Variants in ASIC2 observed in about 807,000 individuals in gnomAD.
ASIC2 encodes the protein acid-sensing ion channel 2.
ASIC2 carries 25 observed loss-of-function variants against 57.3 expected under a neutral mutation model. The observed-to-expected ratio is 0.44, with a 90% confidence interval of 0.32 to 0.61. ASIC2 has a LOEUF of 0.61. ASIC2 is among the 20% of genes least tolerant of loss of function. ASIC2 has a pLI of 0.06. For synonymous variants in ASIC2, 319 were observed against 307.5 expected (o/e 1.04, Z -0.39); for missense variants, 641 against 738.1 (o/e 0.87, Z 1.52).
chr17:34,065,711 A>G (rs371434860), intron 1 of ASIC2, among the ~76,000 whole-genome samples: 1 of 152,272 alleles, frequency 6.6e-6, no homozygotes, highest in African/African-American at 2.4e-5. Flanking sequence ...TGATCATTGC[A>G]TTCTGAGGAA....
At chr17:33,419,654 G>A (rs1910977865) in intron 1 of ASIC2, among the ~76,000 whole-genome samples, 1 of 152,204 alleles carries the variant, frequency 6.6e-6, no homozygotes, top group South Asian at 2.1e-4. Context: ...GTTTTTCACA[G>A]ATATACTGGT....
intron 1 of ASIC2, among the ~76,000 whole-genome samples, chr17:33,707,029 C>G (rs545010482): frequency 6.6e-6 from 1 of 152,332 alleles, no homozygotes; most frequent in Admixed American, 6.5e-5. Context: ...TTTATCTTGA[C>G]TATGCATAGA....
At chr17:33,307,197 T>C (rs1906213867) in intron 1 of ASIC2, among the ~76,000 whole-genome samples, 1 of 152,150 alleles carries the variant, frequency 6.6e-6, no homozygotes, top group Non-Finnish European at 1.5e-5. Context: ...GAGGCCTGGA[T>C]AGTGTTCTCC....
chr17:33,303,844 CA>C (rs1311730693), intron 1 of ASIC2, among the ~76,000 whole-genome samples: 3 of 152,140 alleles, frequency 2.0e-5, no homozygotes, highest in Non-Finnish European at 2.9e-5. Context: ...GGCACTAAGA[CA>C]CAACATTAGA....
intron 1 of ASIC2, among the ~76,000 whole-genome samples, chr17:33,698,635 A>G (rs1908602913): frequency 1.3e-5 from 2 of 152,164 alleles, no homozygotes; most frequent in South Asian, 4.1e-4. Context: ...TGGGGTGAAT[A>G]AGTACTTGCC....
At chr17:33,482,644 A>G (rs1264996184) in intron 1 of ASIC2, among the ~76,000 whole-genome samples, 1 of 152,132 alleles carries the variant, frequency 6.6e-6, no homozygotes, top group Non-Finnish European at 1.5e-5. Context: ...GATTTCAGTG[A>G]CTTGTCCAAG....
chr17:34,086,466 G>T (rs1375757534), intron 1 of ASIC2, among the ~76,000 whole-genome samples: 1 of 151,946 alleles, frequency 6.6e-6, no homozygotes, highest in Admixed American at 6.5e-5. Context: ...CAACTATGTG[G>T]TCAATTTTGG....
At chr17:33,060,308 G>A (rs946084844) in intron 3 of ASIC2, among the ~76,000 whole-genome samples, 15 of 152,290 alleles carry the variant, frequency 9.8e-5, no homozygotes, top group African/African-American at 2.9e-4. Flanking sequence ...TAACATTTAA[G>A]TCTTTAATCC....
rs189118680 is a variant in ASIC2, at chr17:33,493,960, G to T, written c.556-381893C>A. 9.2e-5 allele frequency among the ~76,000 whole-genome samples: 14 copies of T among 152,328 alleles called. No individual in the cohort carries two copies. The East Asian group carries it at 2.3e-3, about 25-fold the overall frequency. ...CCTCTGTAGAAGTTATTATAGTTAA[G>T]ATACTCCTCTCAAAGGTGGGAGACT... On this transcript the variant is annotated intron_variant, in intron 1 of 9. Transcript: ENST00000359872.
intron 1 of ASIC2, among the ~76,000 whole-genome samples, chr17:33,137,905 A>T (rs867281119): frequency 1.3e-5 from 2 of 152,336 alleles, no homozygotes; most frequent in South Asian, 4.1e-4. Context: ...AGCCTAAAAG[A>T]CAGGCTGTGT....
At chr17:33,753,612 T>C (rs568378680) in intron 1 of ASIC2, among the ~76,000 whole-genome samples, 1 of 152,300 alleles carries the variant, frequency 6.6e-6, no homozygotes, top group African/African-American at 2.4e-5. Flanking sequence ...TGGAGGAAGA[T>C]TCATACACAC....
At chr17:33,313,713 C>G (rs866165354) in intron 1 of ASIC2, among the ~76,000 whole-genome samples, 1 of 152,116 alleles carries the variant, frequency 6.6e-6, no homozygotes, top group Non-Finnish European at 1.5e-5. Context: ...AATCTCTGCT[C>G]TCATATTTTC....
intron 1 of ASIC2, among the ~76,000 whole-genome samples, chr17:33,385,046 A>AAT (rs1194891309): frequency 6.6e-6 from 1 of 152,228 alleles, no homozygotes; most frequent in Non-Finnish European, 1.5e-5. Context: ...GCAAGACATT[A>AAT]ACCTCTCTGG....
intron 1 of ASIC2, among the ~76,000 whole-genome samples, chr17:34,026,953 G>A (rs1427892888): frequency 6.6e-6 from 1 of 152,188 alleles, no homozygotes; most frequent in African/African-American, 2.4e-5. Flanking sequence ...AATCAAAGCA[G>A]TAGATAGTTG....
At chr17:34,126,815 G>A (rs1323404924) in intron 1 of ASIC2, among the ~76,000 whole-genome samples, 2 of 152,184 alleles carry the variant, frequency 1.3e-5, no homozygotes, top group Non-Finnish European at 2.9e-5. Context: ...CGTTTCTGCA[G>A]AGCTGAGCGG....
intron 1 of ASIC2, among the ~76,000 whole-genome samples, chr17:33,378,127 C>T (rs766357871): frequency 2.6e-5 from 4 of 152,222 alleles, no homozygotes; most frequent in South Asian, 4.1e-4. Flanking sequence ...CTTACAGCTG[C>T]GTGATCTTGA....
At chr17:33,515,327 T>C (rs1288444416) in intron 1 of ASIC2, among the ~76,000 whole-genome samples, 1 of 152,178 alleles carries the variant, frequency 6.6e-6, no homozygotes, top group African/African-American at 2.4e-5. Context: ...GATCTTCCTA[T>C]GGGGCGCTCA....
intron 6 of ASIC2, among the ~76,000 whole-genome samples, chr17:33,021,602 G>A (rs772356508): frequency 9.2e-5 from 14 of 152,166 alleles, no homozygotes; most frequent in Admixed American, 1.3e-4. Flanking sequence ...AGGCCTCTGC[G>A]CCTCCAAAGG....
chr17:34,089,649 C>T (rs1481231989), intron 1 of ASIC2, among the ~76,000 whole-genome samples: 1 of 152,176 alleles, frequency 6.6e-6, no homozygotes, highest in Non-Finnish European at 1.5e-5. Context: ...TGCTTGGCCC[C>T]AGGTCCCCAG....
Sources: gnomAD v4.1 joint callset for allele counts (sites outside exome capture counted in the v4.1 genomes callset) on GRCh38, gnomAD v4.1.1 for gene constraint, MANE v1.5 for transcripts, NCBI Gene and HGNC (gene_info 2026-07-23, HGNC 2026-07-21) for gene names.